Variants in CTNNA2 observed in about 807,000 individuals in gnomAD.
The protein encoded by CTNNA2 is catenin alpha 2, also known as catenin alpha-2.
CTNNA2 carries 42 observed loss-of-function variants against 101.0 expected under a neutral mutation model. The observed-to-expected ratio is 0.42, with a 90% CI of 0.32 to 0.54. The LOEUF is 0.54. CTNNA2 is among the 20% of genes least tolerant of loss of function. The pLI, the probability that CTNNA2 is intolerant of heterozygous loss-of-function variation, is 0.14. For missense variants in CTNNA2, 871 were observed against 1,223.1 expected (o/e 0.71, Z 4.29); for synonymous variants, 450 against 456.4 (o/e 0.99, Z 0.18).
In CTNNA2 at chr2:80,484,955, G is replaced by A. The variant is rs143042682; in HGVS notation, c.1291-60027G>A. ...TGGGAGGTGGAGCTTGCAGTGAGCC[G>A]AGACTGTGCCACTGCATTCCAGCCT... On this transcript the variant is annotated intron_variant, in intron 9 of 18. Transcript: ENST00000402739. Among the ~76,000 whole-genome samples, 170 of 152,196 alleles carry A rather than the reference G, an allele frequency of 1.1e-3. 1 individual carries two copies. Among genetic ancestry groups the A allele is most frequent in the African/African-American group, 3.9e-3 (163 of 41,538 alleles).
intron 7 of CTNNA2, among the ~76,000 whole-genome samples, chr2:79,922,512 A>T (rs1227542988): frequency 6.6e-6 from 1 of 151,924 alleles, no homozygotes; most frequent in Non-Finnish European, 1.5e-5. Context: ...TTCTCTTCTT[A>T]TTACAGACAT....
At chr2:79,469,006 A>C (rs1469180407) in intron 4 of CTNNA2, among the ~76,000 whole-genome samples, 1 of 152,194 alleles carries the variant, frequency 6.6e-6, no homozygotes, top group Non-Finnish European at 1.5e-5. Context: ...AAAAGCTAGC[A>C]GAAGGCAAGA....
rs376792625 is a variant in CTNNA2, at chr2:80,216,515, C to T, written c.1057-176696C>T. On this transcript the variant is annotated intron_variant, in intron 7 of 18. Transcript: ENST00000402739. The stretch of plus-strand genomic sequence containing the variant: ...GTGACGCCTTTGGGAGTTACTAGGT[C>T]GTGAGGGTTGATCCCTCATGAATGA... 7.2e-5 allele frequency among the ~76,000 whole-genome samples: 11 copies of T among 152,248 alleles called. No homozygotes were observed. In the East Asian group the frequency reaches 1.4e-3, roughly 19 times the overall value.
At chr2:79,570,235 G>GT in intron 1 of CTNNA2, among the ~76,000 whole-genome samples, 1 of 152,240 alleles carries the variant, frequency 6.6e-6, no homozygotes, top group Admixed American at 6.5e-5. Flanking sequence ...AGTGGACCAG[G>GT]TCAGTGTTTT....
chr2:80,438,395 G>GTT (rs530639965), intron 9 of CTNNA2, among the ~76,000 whole-genome samples: 26 of 143,126 alleles, frequency 1.8e-4, no homozygotes, highest in East Asian at 1.2e-3. Flanking sequence ...GATGCCAAAT[G>GTT]TTTTTTTTTT....
intron 7 of CTNNA2, among the ~76,000 whole-genome samples, chr2:79,973,032 G>A (rs988665026): frequency 6.6e-6 from 1 of 152,058 alleles, no homozygotes; most frequent in Non-Finnish European, 1.5e-5. Flanking sequence ...TCCATTGAGA[G>A]AGAGAAAGAG....
chr2:79,651,526 C>T, intron 1 of CTNNA2, 26 bp from the exon 2 acceptor site: 1 of 1,580,440 alleles, frequency 6.3e-7, no homozygotes, highest in Non-Finnish European at 8.7e-7. Context: ...ATGATTATTT[C>T]TAACTGATTA....
chr2:79,580,402 C>T (rs1487633785), intron 1 of CTNNA2, among the ~76,000 whole-genome samples: 14 of 152,116 alleles, frequency 9.2e-5, no homozygotes, highest in South Asian at 4.1e-4. Context: ...TCTTAGCTGA[C>T]GGCCGGCAAG....
At chr2:80,270,437 G>T (rs1673376410) in intron 7 of CTNNA2, among the ~76,000 whole-genome samples, 1 of 152,146 alleles carries the variant, frequency 6.6e-6, no homozygotes, top group African/African-American at 2.4e-5. Flanking sequence ...TTACTCAGCA[G>T]GGAACTCATT....
At chr2:79,189,322 A>T (rs1673822312) in intron 1 of CTNNA2, among the ~76,000 whole-genome samples, 1 of 151,934 alleles carries the variant, frequency 6.6e-6, no homozygotes, top group African/African-American at 2.4e-5. Flanking sequence ...TATTTTACAG[A>T]TTTTTTTCAA....
rs114477248 is a variant in CTNNA2, at chr2:79,389,904, G to A, written c.-135+15891G>A. On this transcript the variant is annotated intron_variant, in intron 4 of 21. Coordinates refer to the CTNNA2 transcript ENST00000466387. Reference sequence around the variant, plus strand: ...TATATCATCAACTGATAATGATTATGTAAAGTGGCTAATTATTTTTATGAT... The same window carrying A: ...TATATCATCAACTGATAATGATTATATAAAGTGGCTAATTATTTTTATGAT... Among the ~76,000 whole-genome samples the A allele has an allele frequency of 4.1e-3, 620 of 152,216 alleles. 2 individuals are homozygous for A. The highest frequency in any genetic ancestry group is 0.014 in the Middle Eastern group (4 of 292).
chr2:80,222,990 A>G (rs560676970), intron 7 of CTNNA2, among the ~76,000 whole-genome samples: 7 of 152,282 alleles, frequency 4.6e-5, no homozygotes, highest in Non-Finnish European at 5.9e-5. Flanking sequence ...TTTTGCTTGG[A>G]TAGGATTTGT....
chr2:79,780,702 A>G (rs760617784), intron 3 of CTNNA2, among the ~76,000 whole-genome samples: 8 of 152,208 alleles, frequency 5.3e-5, no homozygotes, highest in Non-Finnish European at 7.3e-5. Flanking sequence ...CTTACTTCAC[A>G]TAGGAAGACA....
chr2:79,674,502 T>C (rs1683057967), intron 2 of CTNNA2, among the ~76,000 whole-genome samples: 1 of 152,170 alleles, frequency 6.6e-6, no homozygotes, highest in African/African-American at 2.4e-5. Context: ...AAGAAATTTC[T>C]AAATGGCATG....
chr2:80,639,513 ATGTGTGTGTGTGTG>A (rs112045877), intron 18 of CTNNA2, among the ~76,000 whole-genome samples: 2 of 147,408 alleles, frequency 1.4e-5, no homozygotes, highest in African/African-American at 2.5e-5. Context: ...CCCAGCCTTG[ATGTGTGTGTGTGTG>A]TGTGTGTGTG....
chr2:80,586,990 C>G (rs184958543), intron 14 of CTNNA2, among the ~76,000 whole-genome samples: 54 of 152,236 alleles, frequency 3.5e-4, no homozygotes, highest in African/African-American at 1.3e-3. Context: ...CTAGTGATAT[C>G]AGTGACCCTT....
chr2:79,684,478 T>G (rs1440359106), intron 2 of CTNNA2, among the ~76,000 whole-genome samples: 1 of 152,206 alleles, frequency 6.6e-6, no homozygotes, highest in East Asian at 1.9e-4. Flanking sequence ...ATGATAGGCA[T>G]CTACTGGATT....
At chr2:80,263,042 C>T (rs996378150) in intron 7 of CTNNA2, among the ~76,000 whole-genome samples, 1 of 152,026 alleles carries the variant, frequency 6.6e-6, no homozygotes, top group Non-Finnish European at 1.5e-5. Flanking sequence ...TTTCTTTAGA[C>T]TAATTTTAGA....
intron 9 of CTNNA2, among the ~76,000 whole-genome samples, chr2:80,523,195 G>A (rs1414636877): frequency 6.6e-6 from 1 of 152,170 alleles, no homozygotes. Context: ...ACCACTTGTA[G>A]CAATCTTGAA....
Sources: gnomAD v4.1 joint callset for allele counts (sites outside exome capture counted in the v4.1 genomes callset) on GRCh38, gnomAD v4.1.1 for gene constraint, MANE v1.5 for transcripts, NCBI Gene and HGNC (gene_info 2026-07-23, HGNC 2026-07-21) for gene names.